The following HDAC9 variants were observed in gnomAD, a reference collection of about 807,000 sequenced individuals.
The protein encoded by HDAC9 is histone deacetylase 9, also known as MEF-2 interacting transcription repressor (MITR) protein.
A neutral mutation model predicts 139.4 loss-of-function variants in HDAC9; 41 were observed. The observed-to-expected ratio is 0.29, with a 90% CI of 0.23 to 0.38. The LOEUF (loss-of-function observed/expected upper bound fraction) is 0.38, where lower values mean the gene tolerates loss of function less well. HDAC9 is among the 10% of genes least tolerant of loss of function. The pLI is 1.00. For missense variants in HDAC9, 1,147 were observed against 1,297.0 expected (o/e 0.88, Z 1.78); for synonymous variants, 517 against 476.2 (o/e 1.09, Z -1.12).
At chr7:18,860,596 T>C (rs1337946374) in intron 21 of HDAC9, among the ~76,000 whole-genome samples, 2 of 152,114 alleles carry the variant, frequency 1.3e-5, no homozygotes. Flanking sequence ...TTTTTCTCAA[T>C]GTCTTAAACT....
chr7:18,627,673 G>A, intron 6 of HDAC9, among the ~76,000 whole-genome samples: 1 of 152,084 alleles, frequency 6.6e-6, no homozygotes, highest in African/African-American at 2.4e-5. Context: ...TCCCAAATTG[G>A]TTGGTTTGTT....
chr7:18,925,305 G>T (rs535665831), intron 22 of HDAC9, among the ~76,000 whole-genome samples: 1 of 152,062 alleles, frequency 6.6e-6, no homozygotes, highest in Non-Finnish European at 1.5e-5. Context: ...TTGTTGCTTG[G>T]GCAAGTTAAT....
chr7:18,751,730 A>G (rs935618102), intron 14 of HDAC9, among the ~76,000 whole-genome samples: 56 of 152,166 alleles, frequency 3.7e-4, no homozygotes, highest in African/African-American at 1.2e-3. Flanking sequence ...TTTAGAAAGT[A>G]TTAACTAAAC....
intron 2 of HDAC9, among the ~76,000 whole-genome samples, chr7:18,179,520 G>T (rs923053421): frequency 6.6e-6 from 1 of 151,718 alleles, no homozygotes; most frequent in African/African-American, 2.4e-5. Context: ...AATAAGCTTT[G>T]TTTTTTTTGC....
At chr7:18,186,614 C>T (rs947092312) in intron 2 of HDAC9, among the ~76,000 whole-genome samples, 6 of 152,288 alleles carry the variant, frequency 3.9e-5, no homozygotes, top group East Asian at 1.9e-4. Context: ...GAGTGGGAAG[C>T]CAGGAAAATT....
intron 1 of HDAC9, among the ~76,000 whole-genome samples, chr7:18,347,439 C>A (rs529373711): frequency 6.6e-6 from 1 of 152,192 alleles, no homozygotes; most frequent in Admixed American, 6.5e-5. Context: ...ACTAGAACAT[C>A]CTTACTTAGA....
intron 24 of HDAC9, among the ~76,000 whole-genome samples, chr7:18,968,977 A>AAAAAAAAAAAAAC (rs1293391628): frequency 6.6e-6 from 1 of 150,692 alleles, no homozygotes; most frequent in Non-Finnish European, 1.5e-5. Flanking sequence ...AAAAAAAAAA[A>AAAAAAAAAAAAAC]AAAAAGAATC....
chr7:18,654,913 C>T (rs183418724), intron 11 of HDAC9, among the ~76,000 whole-genome samples: 6 of 152,250 alleles, frequency 3.9e-5, no homozygotes, highest in South Asian at 2.1e-4. Context: ...GCTTTCCAAA[C>T]GGTGCAGAGT....
chr7:18,325,159 C>A (rs908749289), intron 1 of HDAC9, among the ~76,000 whole-genome samples: 1 of 152,056 alleles, frequency 6.6e-6, no homozygotes, highest in Admixed American at 6.6e-5. Flanking sequence ...ATAGTTTTGT[C>A]TATGAGATGA....
chr7:18,180,258 CA>C (rs1789302813), intron 2 of HDAC9, among the ~76,000 whole-genome samples: 1 of 151,066 alleles, frequency 6.6e-6, no homozygotes, highest in African/African-American at 2.4e-5. Flanking sequence ...CACACACACA[CA>C]CACACACACA....
At chr7:18,325,792 A>G (rs1467526419) in intron 1 of HDAC9, among the ~76,000 whole-genome samples, 1 of 152,146 alleles carries the variant, frequency 6.6e-6, no homozygotes, top group East Asian at 1.9e-4. Context: ...TACCTTTTCT[A>G]TGTTTAAATA....
chr7:18,775,274 G>T (rs556730620), intron 16 of HDAC9, among the ~76,000 whole-genome samples: 1 of 152,152 alleles, frequency 6.6e-6, no homozygotes, highest in Non-Finnish European at 1.5e-5. Context: ...GTGACACAGA[G>T]ACAGGAAGTG....
intron 2 of HDAC9, among the ~76,000 whole-genome samples, chr7:18,507,590 G>A (rs1036376733): frequency 4.3e-4 from 65 of 151,996 alleles, no homozygotes; most frequent in African/African-American, 1.5e-3. Context: ...CGCCTCCCGG[G>A]TTCAAGCTAT....
chr7:18,911,519 C>T (rs1802740234), intron 22 of HDAC9, among the ~76,000 whole-genome samples: 1 of 151,184 alleles, frequency 6.6e-6, no homozygotes, highest in Admixed American at 6.6e-5. Context: ...TTGTTCATTT[C>T]TTCTCTGAAA....
At chr7:18,835,735 A>C (rs1482505435) in intron 20 of HDAC9, 149 bp downstream of exon 20, 1 of 1,144,204 alleles carries the variant, frequency 8.7e-7, no homozygotes, top group South Asian at 1.3e-5. Flanking sequence ...ACCAGTGCAG[A>C]ACAAGTGCAT....
At chr7:18,964,638 C>G (rs1269664797) in intron 24 of HDAC9, among the ~76,000 whole-genome samples, 1 of 152,132 alleles carries the variant, frequency 6.6e-6, no homozygotes, top group African/African-American at 2.4e-5. Context: ...TTCCATAGGG[C>G]TGGGAAGGCC....
Position 18,961,067 on chromosome 7 carries a change from C to T in HDAC9, c.3022+6837C>T, listed in dbSNP as rs80282134. On this transcript the variant is annotated intron_variant, in intron 24 of 25. Transcript: ENST00000686413. The stretch of plus-strand genomic sequence containing the variant: ...AGTTTTTCCTCTTTCTTTTTGTCCC[C>T]ATCTACTTCATTTTGATTTTCTGCC... Among the ~76,000 whole-genome samples, 320 of 152,282 alleles carry T rather than the reference C, an allele frequency of 2.1e-3. 1 individual carries two copies. The highest frequency in any genetic ancestry group is 7.5e-3 in the African/African-American group (310 of 41,564).
chr7:18,694,834 G>A (rs1032905567), intron 12 of HDAC9, among the ~76,000 whole-genome samples: 1 of 151,772 alleles, frequency 6.6e-6, no homozygotes, highest in Non-Finnish European at 1.5e-5. Flanking sequence ...TTCTTCAAAG[G>A]GACAATATCC....
chr7:18,496,219 A>G (rs1451636581), intron 1 of HDAC9, 43 bp from the exon 2 acceptor site: 1 of 1,595,644 alleles, frequency 6.3e-7, no homozygotes, highest in Non-Finnish European at 8.6e-7. Context: ...TGACTGGAAT[A>G]TGCTGCAGAC....
Sources: allele counts gnomAD v4.1 joint callset (sites outside exome capture counted in the v4.1 genomes callset), GRCh38; gene constraint gnomAD v4.1.1; transcripts MANE v1.5; gene names NCBI Gene and HGNC (gene_info 2026-07-23, HGNC 2026-07-21).